Variants in COL4A1 observed in about 807,000 individuals in gnomAD.
COL4A1 encodes collagen alpha-1(IV) chain.
In COL4A1, 40 loss-of-function variants were observed where a neutral mutation model predicts 216.6. The ratio of observed to expected loss-of-function variants is 0.18; its 90% confidence interval spans 0.14 to 0.24. The LOEUF is 0.24. Among genes scored for constraint, COL4A1 ranks in the 10% least tolerant of loss-of-function variants. The pLI, the probability that COL4A1 is intolerant of heterozygous loss-of-function variation, is 1.00. For missense variants in COL4A1, 1,628 were observed against 2,196.8 expected (o/e 0.74, Z 5.18); for synonymous variants, 839 against 810.7 (o/e 1.03, Z -0.59).
At chr13:110,204,593 A>T (rs1046308550) in intron 17 of COL4A1, among the ~76,000 whole-genome samples, 2 of 92,900 alleles carry the variant, frequency 2.2e-5, no homozygotes, top group Non-Finnish European at 5.4e-5. Context: ...AGAGAAAAAT[A>T]AAGCAATAAT....
Position 110,163,527 on chromosome 13 carries a change from T to A in COL4A1, c.4185A>T (p.Pro1395=). Residue 1395 remains proline (P), a synonymous_variant, in exon 47 of 52, where the codon CCA becomes CCT. Coordinates refer to ENST00000375820, the MANE Select transcript of COL4A1 (RefSeq NM_001845.6). ...GGGCACCGTCAAACCCAGGAATACC[T>A]GGAGGTCCAGGTATACCCACCAATC... The part of the protein sequence containing the change: ...VTGLVGIPGP[P]GIPGFDGAPG... The A allele has an allele frequency of 1.2e-6, 2 of 1,614,154 alleles. No individual in the cohort carries two copies. The highest frequency in any genetic ancestry group is 1.7e-6 in the Non-Finnish European group (2 of 1,180,012).
At chr13:110,245,913 C>T (rs777070734) in intron 1 of COL4A1, among the ~76,000 whole-genome samples, 13 of 152,148 alleles carry the variant, frequency 8.5e-5, no homozygotes, top group Admixed American at 7.9e-4. Flanking sequence ...CCCCCGACCC[C>T]GGCCTTCCCC....
chr13:110,277,003 G>A (rs1409319444), intron 1 of COL4A1, among the ~76,000 whole-genome samples: 1 of 152,238 alleles, frequency 6.6e-6, no homozygotes, highest in East Asian at 1.9e-4. Flanking sequence ...TTGCAGGGAT[G>A]TGCGTTTTCT....
chr13:110,233,305 G>GA (rs1232056967), intron 2 of COL4A1, among the ~76,000 whole-genome samples: 1 of 151,980 alleles, frequency 6.6e-6, no homozygotes, highest in African/African-American at 2.4e-5. Flanking sequence ...GGGACATCTG[G>GA]AAAAAAATCT....
intron 1 of COL4A1, among the ~76,000 whole-genome samples, chr13:110,260,247 G>A (rs751838948): frequency 4.3e-4 from 66 of 152,200 alleles, no homozygotes; most frequent in Non-Finnish European, 8.4e-4. Flanking sequence ...ATGGCGGCAG[G>A]CTAGAGAGCT....
At chr13:110,157,608 T>C (rs1876847250) in intron 49 of COL4A1, among the ~76,000 whole-genome samples, 1 of 152,248 alleles carries the variant, frequency 6.6e-6, no homozygotes, top group Non-Finnish European at 1.5e-5. Flanking sequence ...GGTCCCTTCA[T>C]GCTGAGCTTC....
chr13:110,206,975 A>C, intron 13 of COL4A1, 84 bp from the exon 14 acceptor site: 1 of 1,423,818 alleles, frequency 7.0e-7, no homozygotes, highest in African/African-American at 1.4e-5. Context: ...AGCAGAAAAA[A>C]AAAAAACCTT....
intron 2 of COL4A1, among the ~76,000 whole-genome samples, chr13:110,227,540 C>T (rs952036229): frequency 1.3e-5 from 2 of 152,088 alleles, no homozygotes; most frequent in Non-Finnish European, 2.9e-5. Flanking sequence ...CTGGTTCCCA[C>T]GCCCCCAGAC....
intron 2 of COL4A1, among the ~76,000 whole-genome samples, chr13:110,221,050 G>A (rs1594595871): frequency 6.6e-6 from 1 of 152,204 alleles, no homozygotes; most frequent in Admixed American, 6.6e-5. Context: ...TGTTCAAGGA[G>A]AGATTTCTAT....
intron 1 of COL4A1, among the ~76,000 whole-genome samples, chr13:110,288,725 G>C (rs942920020): frequency 2.0e-5 from 3 of 152,130 alleles, no homozygotes; most frequent in African/African-American, 7.2e-5. Flanking sequence ...TCAAGCCTCG[G>C]GAGCTACCTG....
intron 28 of COL4A1, among the ~76,000 whole-genome samples, 157 bp downstream of exon 28, chr13:110,182,836 C>T (rs774181191): frequency 8.5e-5 from 13 of 152,274 alleles, no homozygotes; most frequent in Non-Finnish European, 1.6e-4. Flanking sequence ...TGCCTAGAAG[C>T]TCCTGAAATC....
intron 41 of COL4A1, 70 bp downstream of exon 41, chr13:110,172,650 C>T: frequency 6.9e-7 from 1 of 1,446,266 alleles, no homozygotes; most frequent in Non-Finnish European, 9.7e-7. Context: ...CCTGAAGACA[C>T]TGCCCCTTGT....
chr13:110,219,826 ATG>A (rs1256610806), intron 2 of COL4A1, among the ~76,000 whole-genome samples: 7 of 85,246 alleles, frequency 8.2e-5, no homozygotes, highest in Non-Finnish European at 1.6e-4. Context: ...ATGTATATAT[ATG>A]TATGTATGTA....
At chr13:110,269,370 A>T (rs571830635) in intron 1 of COL4A1, among the ~76,000 whole-genome samples, 3 of 152,346 alleles carry the variant, frequency 2.0e-5, no homozygotes, top group African/African-American at 7.2e-5. Context: ...TAGAGAGAAC[A>T]TTGTCATAAA....
intron 2 of COL4A1, among the ~76,000 whole-genome samples, chr13:110,235,361 AAAG>A (rs1055309590): frequency 4.6e-5 from 7 of 152,330 alleles, no homozygotes; most frequent in African/African-American, 7.2e-5. Flanking sequence ...GCAATAAAAG[AAAG>A]AAGATGCCGG....
intron 1 of COL4A1, among the ~76,000 whole-genome samples, chr13:110,302,804 T>C (rs754636818): frequency 2.0e-5 from 3 of 152,230 alleles, no homozygotes; most frequent in Non-Finnish European, 4.4e-5. Context: ...TTTTTCATGG[T>C]TGCTTAATAA....
At chr13:110,232,422 C>A (rs1874138) in intron 2 of COL4A1, among the ~76,000 whole-genome samples, 4,472 of 152,326 alleles carry the variant, frequency 0.029, 97 homozygotes, top group African/African-American at 0.05. Context: ...TCTAGCATCA[C>A]AACTTGCTGT....
chr13:110,183,151 T>C (rs1416699443), intron 27 of COL4A1, 33 bp downstream of exon 27: 1 of 1,613,154 alleles, frequency 6.2e-7, no homozygotes, highest in Admixed American at 1.7e-5. Flanking sequence ...GAAACTCTCG[T>C]GGTATCCCGG....
chr13:110,172,239 A>C (rs1394338115), intron 41 of COL4A1, among the ~76,000 whole-genome samples: 2 of 152,072 alleles, frequency 1.3e-5, no homozygotes, highest in African/African-American at 2.4e-5. Flanking sequence ...TTTCCCATGA[A>C]ATGCTCAGCT....
Sources: gnomAD v4.1 joint callset for allele counts (sites outside exome capture counted in the v4.1 genomes callset) on GRCh38, gnomAD v4.1.1 for gene constraint, MANE v1.5 for transcripts, NCBI Gene and HGNC (gene_info 2026-07-23, HGNC 2026-07-21) for gene names.